Variants in PRUNE2 observed in about 807,000 individuals in gnomAD.
PRUNE2 encodes the protein protein prune homolog 2.
Under a neutral mutation model 252.0 loss-of-function variants are expected in PRUNE2, and 164 were observed. The observed-to-expected ratio is 0.65, with a 90% confidence interval of 0.57 to 0.74. The LOEUF (loss-of-function observed/expected upper bound fraction) is 0.74. PRUNE2 is among the 30% of genes least tolerant of loss of function. PRUNE2 has a pLI of 0.00. For synonymous variants in PRUNE2, 1,292 were observed against 1,350.2 expected (o/e 0.96, Z 0.94); for missense variants, 3,495 against 3,711.0 (o/e 0.94, Z 1.51).
chr9:76,745,149 C>A (rs2049990001), intron 6 of PRUNE2, among the ~76,000 whole-genome samples: 2 of 152,198 alleles, frequency 1.3e-5, no homozygotes, highest in Admixed American at 6.5e-5. Flanking sequence ...ATTTAACCAA[C>A]CTCCACTGCC....
intron 6 of PRUNE2, among the ~76,000 whole-genome samples, chr9:76,752,164 C>T (rs1472866592): frequency 6.7e-6 from 1 of 149,624 alleles, no homozygotes; most frequent in Non-Finnish European, 1.5e-5. Flanking sequence ...ATGGTGCAAT[C>T]TCGGCTCACT....
At chr9:76,734,926 C>T (rs929450174) in intron 6 of PRUNE2, among the ~76,000 whole-genome samples, 2 of 152,114 alleles carry the variant, frequency 1.3e-5, no homozygotes, top group African/African-American at 2.4e-5. Context: ...CCAGAGCCAT[C>T]CTGGAGAGTC....
intron 1 of PRUNE2, among the ~76,000 whole-genome samples, chr9:76,866,839 T>TAAGAGGGAGGGAAGTAGGGAGGAATG (rs2060872680): frequency 1.3e-5 from 2 of 150,954 alleles, no homozygotes; most frequent in African/African-American, 4.9e-5. Context: ...AGGGAGGAAG[T>TAAGAGGGAGGGAAGTAGGGAGGAATG]TAAGAGGGAG....
chr9:76,808,788 T>C (rs1249246872), intron 6 of PRUNE2: 1 of 153,032 alleles, frequency 6.5e-6, no homozygotes, highest in East Asian at 1.9e-4. Flanking sequence ...CCAGTCTCTG[T>C]TGTCACCCTC....
At chr9:76,671,112 A>G (rs546493781) in intron 9 of PRUNE2, among the ~76,000 whole-genome samples, 12 of 152,158 alleles carry the variant, frequency 7.9e-5, no homozygotes, top group African/African-American at 2.9e-4. Context: ...TCTGAGCTAC[A>G]GGAGGACATC....
intron 4 of PRUNE2, among the ~76,000 whole-genome samples, chr9:76,844,389 CA>C (rs1451539608): frequency 6.6e-6 from 1 of 152,144 alleles, no homozygotes; most frequent in Non-Finnish European, 1.5e-5. Flanking sequence ...TGTCATATGC[CA>C]GCTCCTCCTT....
At chr9:76,648,583 T>A (rs1845908442) in intron 11 of PRUNE2, among the ~76,000 whole-genome samples, 1 of 152,078 alleles carries the variant, frequency 6.6e-6, no homozygotes, top group Non-Finnish European at 1.5e-5. Flanking sequence ...ATTGTATGAG[T>A]CCAACTACAT....
chr9:76,675,773 G>C (rs1488467887), intron 9 of PRUNE2, among the ~76,000 whole-genome samples: 4 of 127,458 alleles, frequency 3.1e-5, no homozygotes, highest in African/African-American at 1.1e-4. Flanking sequence ...CAGGGACATG[G>C]ATGAAATTGG....
At chr9:76,878,373 T>C (rs2061580918) in intron 1 of PRUNE2, among the ~76,000 whole-genome samples, 1 of 152,214 alleles carries the variant, frequency 6.6e-6, no homozygotes, top group Non-Finnish European at 1.5e-5. Flanking sequence ...GAAGAAGCGA[T>C]TGCCCTCTTG....
intron 12 of PRUNE2, among the ~76,000 whole-genome samples, chr9:76,640,771 G>A (rs1460378105): frequency 6.6e-6 from 1 of 152,154 alleles, no homozygotes; most frequent in Non-Finnish European, 1.5e-5. Flanking sequence ...ATACCGCACA[G>A]ATAAGCAATT....
At chr9:76,733,603 T>C (rs1204428846) in intron 6 of PRUNE2, 3 of 152,016 alleles carry the variant, frequency 2.0e-5, no homozygotes, top group Non-Finnish European at 4.4e-5. Flanking sequence ...CAGGGTTTCA[T>C]TATGTTGCCC....
chr9:76,620,880 A>G (rs963416906), intron 17 of PRUNE2, among the ~76,000 whole-genome samples: 4 of 152,230 alleles, frequency 2.6e-5, no homozygotes, highest in Admixed American at 2.6e-4. Context: ...CTGTCACTCC[A>G]AAGGCAACAC....
At chr9:76,618,393 C>T (rs1830620598) in intron 18 of PRUNE2, among the ~76,000 whole-genome samples, 1 of 152,214 alleles carries the variant, frequency 6.6e-6, no homozygotes, top group African/African-American at 2.4e-5. Context: ...TAAAACTGAT[C>T]TTTCCCCTCT....
intron 9 of PRUNE2, among the ~76,000 whole-genome samples, chr9:76,666,029 A>C (rs2040075390): frequency 6.6e-6 from 1 of 152,188 alleles, no homozygotes; most frequent in Admixed American, 6.5e-5. Context: ...TTCACTCTAT[A>C]ATCATAACCT....
In PRUNE2 at chr9:76,712,309, C is replaced by T. The variant is rs1425973116; in HGVS notation, c.916-951G>A. Among the ~76,000 whole-genome samples the T allele has an allele frequency of 2.0e-5, 3 of 152,184 alleles. 1 individual carries two copies. Among genetic ancestry groups the T allele is most frequent in the Admixed American group, 6.5e-5 (1 of 15,282 alleles). ...GATACAGGAAGATTAAATAACTTGTCCAGCAACACACAGCTAACAAGTGCT... is the reference window on the plus strand; with the variant it reads ...GATACAGGAAGATTAAATAACTTGTTCAGCAACACACAGCTAACAAGTGCT... On this transcript the variant is annotated intron_variant, in intron 7 of 18. Transcript: ENST00000376718.
intron 6 of PRUNE2, among the ~76,000 whole-genome samples, chr9:76,723,207 G>C (rs7026237): frequency 6.6e-6 from 1 of 151,930 alleles, no homozygotes; most frequent in Non-Finnish European, 1.5e-5. Flanking sequence ...TCTTGCAGTA[G>C]TATGTACTTT....
chr9:76,671,974 C>T lies in PRUNE2; in HGVS notation c.8277-16472G>A, dbSNP rs981064012. Among the ~76,000 whole-genome samples, 19 of 152,020 alleles carry T rather than the reference C, an allele frequency of 1.2e-4. No individual in the cohort carries two copies. In the East Asian group the frequency reaches 3.1e-3, roughly 25 times the overall value. Reference sequence around the variant, plus strand: ...TGCCAAAATGTAAAGACCATCGAGACTAGGAAGAAACTGCATCAACTAACG... The same window carrying T: ...TGCCAAAATGTAAAGACCATCGAGATTAGGAAGAAACTGCATCAACTAACG... On this transcript the variant is annotated intron_variant, in intron 9 of 18. Coordinates refer to ENST00000376718, the MANE Select transcript of PRUNE2 (RefSeq NM_015225.3).
chr9:76,661,810 C>T (rs1851547593), intron 9 of PRUNE2, among the ~76,000 whole-genome samples: 1 of 151,524 alleles, frequency 6.6e-6, no homozygotes. Context: ...AAGAATATGG[C>T]AGATCTGAAC....
intron 6 of PRUNE2, among the ~76,000 whole-genome samples, chr9:76,723,399 G>C (rs1386696830): frequency 6.6e-6 from 1 of 152,168 alleles, no homozygotes; most frequent in African/African-American, 2.4e-5. Flanking sequence ...ATCTAAAGAT[G>C]CTCCCAATAT....
Sources: allele counts gnomAD v4.1 joint callset (sites outside exome capture counted in the v4.1 genomes callset), GRCh38; gene constraint gnomAD v4.1.1; transcripts MANE v1.5; gene names NCBI Gene and HGNC (gene_info 2026-07-23, HGNC 2026-07-21).